NID1: variants seen among roughly 807,000 people sequenced by gnomAD.
NID1 encodes nidogen-1.
Under a neutral mutation model 130.6 loss-of-function variants are expected in NID1, and 76 were observed. That is an observed-to-expected ratio of 0.58 (90% CI 0.48 to 0.70). The LOEUF (loss-of-function observed/expected upper bound fraction) is 0.70, where lower values mean the gene tolerates loss of function less well. NID1 is among the 30% of genes least tolerant of loss of function. NID1 has a pLI of 0.00. For missense variants in NID1, 1,517 were observed against 1,664.8 expected, an observed-to-expected ratio of 0.91 and a Z score of 1.54; for synonymous variants, 665 against 675.1, an observed-to-expected ratio of 0.98 and a Z score of 0.23.
rs1306861024 is a variant in NID1 at position 235,994,342 on chromosome 1, A to T, written c.2528-470T>A. Among the ~76,000 whole-genome samples, 3 of 152,088 alleles carry T rather than the reference A, an allele frequency of 2.0e-5. No individual in the cohort carries two copies. The East Asian group carries it at 5.8e-4, about 29-fold the overall frequency. On this transcript the variant is annotated intron_variant, in intron 12 of 19. Transcript: ENST00000264187. ...CAAGCCCAGGTAATTTTGTATTTTTAGTAGAGACAGGGTTTCACCATGTCA... is the reference window on the plus strand; with the variant it reads ...CAAGCCCAGGTAATTTTGTATTTTTTGTAGAGACAGGGTTTCACCATGTCA...
At chr1:236,040,036 T>C (rs918740955) in intron 4 of NID1, among the ~76,000 whole-genome samples, 3 of 152,182 alleles carry the variant, frequency 2.0e-5, no homozygotes, top group African/African-American at 7.2e-5. Context: ...ATCTAGGCTT[T>C]TTTCAGTCTT....
In NID1 at chr1:235,979,818, G is replaced by A. The variant is rs1381736207; in HGVS notation, c.3509+4C>T. On this transcript the variant is annotated splice_donor_region_variant and intron_variant, in intron 18 of 19. Transcript: ENST00000264187. This position sits in a 1 kb window ranked among gnomAD's most constrained non-coding sequence, Gnocchi z 4.6. ...CGCAGCCCCCATGGCTACAGCTGAC[G>A]TACATCTTCCAGTCTGTGAAATACA... 17 of 1,613,390 alleles carry A rather than the reference G, an allele frequency of 1.1e-5. No homozygotes were observed. The highest frequency in any genetic ancestry group is 3.3e-5 in the South Asian group (3 of 91,062).
Position 236,012,027 on chromosome 1 carries a change from C to T in NID1, c.2421G>A (p.Gln807=). ...GQACQDVDEC[Q]PSRCHPDAFC... ...AGGCGTCAGGGTGACATCGGCTTGG[C>T]TGGCATTCATCTACATCTGTAAAAC... Residue 807 remains glutamine (Q), a synonymous_variant, in exon 12 of 20, where the codon CAG becomes CAA. Coordinates refer to ENST00000264187, the MANE Select transcript of NID1 (RefSeq NM_002508.3). 1 of 1,613,584 alleles carries T rather than the reference C, an allele frequency of 6.2e-7. No individual in the cohort carries two copies. The highest frequency in any genetic ancestry group is 2.2e-5 in the East Asian group (1 of 44,862).
Position 235,979,901 on chromosome 1 carries a change from G to A in NID1, c.3430C>T (p.Arg1144Cys), listed in dbSNP as rs369664139. The change falls in exon 18 of 20, where the codon CGC (arginine) becomes TGC (cysteine). Residue 1144 changes from arginine (R) to cysteine (C), a missense_variant. By Grantham distance (180) the Arg-to-Cys change is radical. This residue lies in a region of NID1 where 181 missense variants were observed against 211.3 expected (regional missense o/e 0.86). Transcript: ENST00000264187. The surrounding 1 kb of genome is among the most constrained non-coding windows in gnomAD (Gnocchi z 4.6). ...ECLNPSQPSR[R>C]KALEGLQYPF... ...TACTGGAGCCCTTCGAGAGCCTTGC[G>A]TCTGCTGGGCTGACTGGGGTTCAGG... The A allele has an allele frequency of 2.7e-5, 43 of 1,613,812 alleles. No individual in the cohort carries two copies. Among genetic ancestry groups the A allele is most frequent in the East Asian group, 8.9e-5 (4 of 44,888 alleles).
intron 12 of NID1, among the ~76,000 whole-genome samples, chr1:236,002,668 T>C (rs1166272398): frequency 1.3e-5 from 2 of 152,064 alleles, no homozygotes; most frequent in Admixed American, 6.5e-5. Context: ...ATTCCAAGCA[T>C]TGGTGAGGAC....
intron 3 of NID1, among the ~76,000 whole-genome samples, chr1:236,043,694 A>T (rs1465333772): frequency 6.6e-6 from 1 of 152,092 alleles, no homozygotes; most frequent in Non-Finnish European, 1.5e-5. Flanking sequence ...GCTGCTCGGG[A>T]CGCTGAAGCA....
chr1:236,017,154 A>G lies in NID1; in HGVS notation c.2248T>C (p.Cys750Arg), dbSNP rs1439883601. ...AGTTACCTGGAGAACTTACCCACAC[A>G]CGTTCCCTCATCTGAAAACTGGTAG... ...EGYQFSDEGT[C>R]VAVVDQRPIN... The change falls in exon 10 of 20, where the codon TGT becomes CGT. Residue 750 changes from cysteine (C) to arginine (R), a missense_variant. Physicochemically the swap from Cys to Arg is radical, Grantham distance 180. Transcript: ENST00000264187. The G allele has an allele frequency of 5.0e-6, 8 of 1,614,016 alleles. No individual in the cohort carries two copies. Among genetic ancestry groups the G allele is most frequent in the Non-Finnish European group, 5.9e-6 (7 of 1,179,888 alleles).
chr1:236,063,850 G>A (rs1295661382), intron 1 of NID1, among the ~76,000 whole-genome samples: 3 of 152,166 alleles, frequency 2.0e-5, no homozygotes, highest in African/African-American at 7.2e-5. Context: ...GTGTGCAAAG[G>A]GGCCAGGGCA....
At chr1:235,981,459 G>C (rs1308367909) in intron 16 of NID1, 152 bp downstream of exon 16, 4 of 730,210 alleles carry the variant, frequency 5.5e-6, no homozygotes, top group Non-Finnish European at 4.4e-6. Flanking sequence ...TTGTACCGTG[G>C]ATATCTACAA....
chr1:236,036,560 G>C (rs1293779101), intron 5 of NID1, among the ~76,000 whole-genome samples: 2 of 152,180 alleles, frequency 1.3e-5, no homozygotes, highest in African/African-American at 2.4e-5. Context: ...ACAATTTGTT[G>C]GCATCTGCTA....
intron 1 of NID1, among the ~76,000 whole-genome samples, chr1:236,059,351 C>T (rs940541881): frequency 3.3e-5 from 5 of 152,208 alleles, no homozygotes; most frequent in African/African-American, 7.2e-5. Context: ...TAGGCAAGTC[C>T]GGGACACAAT....
intron 6 of NID1, among the ~76,000 whole-genome samples, chr1:236,031,948 CTT>C (rs1659112243): frequency 6.6e-6 from 1 of 152,190 alleles, no homozygotes; most frequent in Admixed American, 6.5e-5. Flanking sequence ...TGGCAGGTTC[CTT>C]CTCTCTGAGC....
At chr1:236,001,003 C>T (rs918948239) in intron 12 of NID1, among the ~76,000 whole-genome samples, 2 of 152,166 alleles carry the variant, frequency 1.3e-5, no homozygotes, top group East Asian at 3.9e-4. Flanking sequence ...GGCAGCTACT[C>T]CCAGGGCCTA....
At chr1:236,028,072 A>G (rs941950947) in intron 7 of NID1, among the ~76,000 whole-genome samples, 1 of 152,160 alleles carries the variant, frequency 6.6e-6, no homozygotes, top group African/African-American at 2.4e-5. Flanking sequence ...TTTGGCCAAG[A>G]TTTATGATTA....
rs1272339139 is a variant in NID1 at position 236,026,156 on chromosome 1, G to C, written c.1739-15C>G. On this transcript the variant is annotated splice_polypyrimidine_tract_variant and intron_variant, in intron 7 of 19. Coordinates refer to ENST00000264187, the MANE Select transcript of NID1 (RefSeq NM_002508.3). ...GGAAGTGATCACTGCAGAGTGGGAA[G>C]GATGGAGGGGACAAGGCAGGGAGAC... 1.4e-5 allele frequency: 22 copies of C among 1,612,412 alleles called. No homozygotes were observed. The highest frequency in any genetic ancestry group is 1.7e-5 in the Non-Finnish European group (20 of 1,178,918).
At chr1:236,020,134 A>T (rs964812323) in intron 9 of NID1, among the ~76,000 whole-genome samples, 3 of 152,078 alleles carry the variant, frequency 2.0e-5, no homozygotes, top group Admixed American at 1.3e-4. Flanking sequence ...AACTGGCAAT[A>T]ACTGTCTCTC....
intron 5 of NID1, 72 bp downstream of exon 5, chr1:236,038,032 G>T: frequency 6.6e-7 from 1 of 1,520,798 alleles, no homozygotes; most frequent in South Asian, 1.3e-5. Flanking sequence ...AAGCAACATG[G>T]AAAACGAGCA....
At chr1:235,997,902 C>T (rs922842749) in intron 12 of NID1, among the ~76,000 whole-genome samples, 1 of 152,154 alleles carries the variant, frequency 6.6e-6, no homozygotes, top group Non-Finnish European at 1.5e-5. Flanking sequence ...GCCACCATGC[C>T]TGGCCTCAGT....
At chr1:236,056,036 T>C (rs1011559880) in intron 1 of NID1, among the ~76,000 whole-genome samples, 1 of 151,428 alleles carries the variant, frequency 6.6e-6, no homozygotes, top group South Asian at 2.1e-4. Context: ...GAACACACAA[T>C]GAGACAAGGT....
Sources: allele counts gnomAD v4.1 joint callset (sites outside exome capture counted in the v4.1 genomes callset), GRCh38; gene constraint gnomAD v4.1.1; regional missense constraint gnomAD v4.1.1; non-coding constraint Gnocchi (gnomAD v3.1); transcripts MANE v1.5; gene names NCBI Gene and HGNC (gene_info 2026-07-23, HGNC 2026-07-21).